FTCDNL1: variants seen among roughly 807,000 people sequenced by gnomAD.
FTCDNL1 encodes formiminotransferase cyclodeaminase N-terminal like, also known as formiminotransferase N-terminal subdomain-containing protein.
In FTCDNL1, 11 loss-of-function variants were observed where a neutral mutation model predicts 5.9. The ratio of observed to expected loss-of-function variants is 1.87; its 90% CI spans 1.18 to 3.10. The LOEUF (loss-of-function observed/expected upper bound fraction) is 3.10, where lower values mean the gene tolerates loss of function less well. Ranked by LOEUF, FTCDNL1 falls within the 30% of genes most tolerant of loss-of-function variation. FTCDNL1 has a pLI of 0.00. For synonymous variants in FTCDNL1, 58 were observed against 24.8 expected (o/e 2.34, Z -3.99); for missense variants, 115 against 65.5 (o/e 1.76, Z -2.61).
chr2:199,840,151 GA>G lies in FTCDNL1; in HGVS notation c.211+5923del, dbSNP rs1027426552. ...TAGAAGATACTTCTTTAAGAAGATG[GA>G]ATTGATAGAACCCTCAATGAATGCA... On this transcript the variant is annotated intron_variant, in intron 3 of 4. Coordinates refer to ENST00000420128, the MANE Select transcript of FTCDNL1 (RefSeq NM_001363886.2). Among the ~76,000 whole-genome samples, 7 of 152,254 alleles carry G rather than the reference GA, an allele frequency of 4.6e-5. No homozygotes were observed. In the South Asian group the frequency reaches 8.3e-4, roughly 18 times the overall value.
In FTCDNL1 at chr2:199,846,098, A is replaced by G. The variant is rs1056998476; in HGVS notation, c.188T>C (p.Ile63Thr). ...ACCCAACTTATCAACAGAAGTTGCT[A>G]TTGTAATGACTGATCTCTTGTAGTC... The part of the protein sequence containing the change: ...DQDYKRSVIT[I>T]ATSVDKLGLA... The change falls in exon 3 of 5, where the codon ATA becomes ACA. Residue 63 changes from isoleucine to threonine, a missense_variant. Transcript: ENST00000420128. 3.3e-5 allele frequency: 23 copies of G among 698,028 alleles called. No homozygotes were observed. The highest frequency in any genetic ancestry group is 5.2e-5 in the Non-Finnish European group (20 of 383,456). 43.2% of individuals were successfully genotyped at this position (698,028 alleles called of 1,614,324 possible). A position where few individuals can be genotyped will look rare whatever the true frequency, so the allele number is the denominator to read the frequency against.
At chr2:199,817,051 T>C (rs956067580) in intron 4 of FTCDNL1, among the ~76,000 whole-genome samples, 3 of 152,208 alleles carry the variant, frequency 2.0e-5, no homozygotes, top group Non-Finnish European at 4.4e-5. Flanking sequence ...ATTTTCTATG[T>C]CTCTGAAAGT....
chr2:199,745,085 CAT>C, the FTCDNL1 span, among the ~76,000 whole-genome samples: 2 of 152,246 alleles, frequency 1.3e-5, no homozygotes, highest in Admixed American at 6.5e-5. Flanking sequence ...ATTTTCCCCA[CAT>C]GTCAGTCTAT....
At chr2:199,744,573 C>T in the FTCDNL1 span, among the ~76,000 whole-genome samples, 2 of 152,200 alleles carry the variant, frequency 1.3e-5, no homozygotes, top group African/African-American at 4.8e-5. Context: ...TGATCTCAGG[C>T]TTCCAGCCTC....
chr2:199,684,858 T>C, the FTCDNL1 span, among the ~76,000 whole-genome samples: 2 of 152,198 alleles, frequency 1.3e-5, no homozygotes, highest in African/African-American at 4.8e-5. Context: ...TTTTGATAAA[T>C]GTATATTCTC....
chr2:199,712,736 G>T, the FTCDNL1 span, among the ~76,000 whole-genome samples: 1 of 152,266 alleles, frequency 6.6e-6, no homozygotes, highest in Non-Finnish European at 1.5e-5. Context: ...CCAAGCCTTG[G>T]CATTTCTTGG....
At chr2:199,728,696 T>C in the FTCDNL1 span, among the ~76,000 whole-genome samples, 62 of 152,320 alleles carry the variant, frequency 4.1e-4, no homozygotes, top group Non-Finnish European at 7.3e-5. Flanking sequence ...TAGGAGGAGT[T>C]GTTACCATGA....
rs1023629582 is a variant in FTCDNL1, at chr2:199,796,601, G to A, written c.212-35766C>T. ...TGTAGGTCAGTCATTTCTTCAAGTCGATGTCCAGATTTTAAAGGATAATTG... is the reference window on the plus strand; with the variant it reads ...TGTAGGTCAGTCATTTCTTCAAGTCAATGTCCAGATTTTAAAGGATAATTG... On this transcript the variant is annotated intron_variant, in intron 3 of 3. Coordinates refer to the FTCDNL1 transcript ENST00000416668. 6.6e-5 allele frequency among the ~76,000 whole-genome samples: 10 copies of A among 152,066 alleles called. No homozygotes were observed. In the East Asian group the frequency reaches 9.7e-4, roughly 15 times the overall value.
intron 3 of FTCDNL1, among the ~76,000 whole-genome samples, chr2:199,767,445 C>T (rs1390277291): frequency 6.6e-6 from 1 of 152,172 alleles, no homozygotes; most frequent in Admixed American, 6.5e-5. Flanking sequence ...TTGGTATTAA[C>T]TCAATCTTTT....
the FTCDNL1 span, among the ~76,000 whole-genome samples, chr2:199,697,466 G>C: frequency 1.3e-5 from 2 of 152,026 alleles, no homozygotes; most frequent in African/African-American, 4.8e-5. Context: ...AGAGGTTGGG[G>C]GTCCACATTC....
rs567193423 is a variant in FTCDNL1 at position 199,813,310 on chromosome 2, C to G, written c.398-586G>C. On this transcript the variant is annotated intron_variant, in intron 4 of 4. Transcript: ENST00000420128. Reference sequence around the variant, plus strand: ...TTTCCCTTTAGATCAAAATTATTCTCAAAAATAGTTCCAGGCACCATCATT... The same window carrying G: ...TTTCCCTTTAGATCAAAATTATTCTGAAAAATAGTTCCAGGCACCATCATT... 3.9e-5 allele frequency among the ~76,000 whole-genome samples: 6 copies of G among 152,168 alleles called. No homozygotes were observed. The South Asian group carries it at 1.2e-3, about 32-fold the overall frequency.
chr2:199,688,681 GAGAA>G, the FTCDNL1 span, among the ~76,000 whole-genome samples: 1 of 152,146 alleles, frequency 6.6e-6, no homozygotes, highest in Non-Finnish European at 1.5e-5. Flanking sequence ...TCCTTGCTTT[GAGAA>G]AGATTCAGTT....
the FTCDNL1 span, among the ~76,000 whole-genome samples, chr2:199,735,384 C>T: frequency 6.6e-6 from 1 of 152,088 alleles, no homozygotes; most frequent in Admixed American, 6.5e-5. Flanking sequence ...CTGTGTTCTG[C>T]TTTATGAGAT....
At chr2:199,817,625 A>C (rs1701429589) in intron 4 of FTCDNL1, among the ~76,000 whole-genome samples, 1 of 151,976 alleles carries the variant, frequency 6.6e-6, no homozygotes, top group Non-Finnish European at 1.5e-5. Flanking sequence ...CTGTCTCTAC[A>C]AAATATACTT....
chr2:199,799,035 C>T lies in FTCDNL1; in HGVS notation c.212-38200G>A, dbSNP rs115750421. Among the ~76,000 whole-genome samples, 1,336 of 152,248 alleles carry T rather than the reference C, an allele frequency of 8.8e-3. 13 individuals carry two copies. The highest frequency in any genetic ancestry group is 0.011 in the Non-Finnish European group (775 of 68,004). On this transcript the variant is annotated intron_variant, in intron 3 of 3. Transcript: ENST00000416668. The stretch of plus-strand genomic sequence containing the variant: ...ATATTTGTAACAGCTGAAAGGAAAT[C>T]CTGACACACCAGCCTCCAAAATCAC...
the FTCDNL1 span, among the ~76,000 whole-genome samples, chr2:199,676,323 A>C: frequency 1.3e-5 from 2 of 152,172 alleles, no homozygotes; most frequent in African/African-American, 4.8e-5. Context: ...ATACTCCAGC[A>C]TATTTGTTCC....
At chr2:199,829,376 A>G (rs1271988870) in intron 3 of FTCDNL1, among the ~76,000 whole-genome samples, 1 of 152,156 alleles carries the variant, frequency 6.6e-6, no homozygotes, top group African/African-American at 2.4e-5. Flanking sequence ...ATTTTTAGTC[A>G]TTTCTAAATA....
At chr2:199,705,078 T>G in the FTCDNL1 span, among the ~76,000 whole-genome samples, 345 of 152,138 alleles carry the variant, frequency 2.3e-3, 1 homozygote, top group African/African-American at 7.9e-3. Flanking sequence ...CAGAGGCCAG[T>G]CAGAAGGTCA....
At chr2:199,831,085 C>G (rs1269797679) in intron 3 of FTCDNL1, among the ~76,000 whole-genome samples, 10 of 152,272 alleles carry the variant, frequency 6.6e-5, no homozygotes, top group African/African-American at 2.2e-4. Flanking sequence ...ACTTAAAAAC[C>G]ACGATAGGCT....
Sources: gnomAD v4.1 joint callset for allele counts (sites outside exome capture counted in the v4.1 genomes callset) on GRCh38, gnomAD v4.1.1 for gene constraint, MANE v1.5 for transcripts, NCBI Gene and HGNC (gene_info 2026-07-23, HGNC 2026-07-21) for gene names.